Variants in GABRR2 observed in about 807,000 individuals in gnomAD.
GABRR2 encodes gamma-aminobutyric acid receptor subunit rho-2.
Under a neutral mutation model 47.0 loss-of-function variants are expected in GABRR2, and 36 were observed. The observed-to-expected ratio is 0.77, with a 90% CI of 0.59 to 1.01. The LOEUF (loss-of-function observed/expected upper bound fraction) is 1.01. GABRR2 is among the 50% of genes least tolerant of loss of function. The probability of loss-of-function intolerance (pLI) is 0.00; values close to 1 mark genes in which losing one functional copy is unlikely to be tolerated. For missense variants in GABRR2, 587 were observed against 594.6 expected, an observed-to-expected ratio of 0.99 and a Z score of 0.13; for synonymous variants, 204 against 227.5, an observed-to-expected ratio of 0.90 and a Z score of 0.93.
chr6:89,262,170 A>G (rs1773762028), intron 8 of GABRR2, among the ~76,000 whole-genome samples: 1 of 152,162 alleles, frequency 6.6e-6, no homozygotes, highest in Non-Finnish European at 1.5e-5. Context: ...TTGATAGACC[A>G]TCAATCATGG....
chr6:89,314,216 T>C (rs1327321921), intron 1 of GABRR2, among the ~76,000 whole-genome samples: 1 of 152,232 alleles, frequency 6.6e-6, no homozygotes, highest in Admixed American at 6.5e-5. Context: ...TATTAATTTA[T>C]ATTCAAAACC....
Position 89,268,003 on chromosome 6 carries a change from C to G in GABRR2, c.595+11G>C. 1 of 1,608,998 alleles carries G rather than the reference C, an allele frequency of 6.2e-7. No homozygotes were observed. The highest frequency in any genetic ancestry group is 8.5e-7 in the Non-Finnish European group (1 of 1,176,734). On this transcript the variant is annotated intron_variant, in intron 5 of 8. Transcript: ENST00000402938. ...AAAGAAAGTGAAGGAATTAGGAATGCTGATACTTACAGCTCTCCAGCTCCA... is the reference window on the plus strand; with the variant it reads ...AAAGAAAGTGAAGGAATTAGGAATGGTGATACTTACAGCTCTCCAGCTCCA...
intron 6 of GABRR2, 36 bp from the exon 7 acceptor site, chr6:89,265,801 C>T (rs750684782): frequency 3.1e-6 from 5 of 1,605,690 alleles, no homozygotes; most frequent in Non-Finnish European, 4.3e-6. Context: ...GAGGTTCCAT[C>T]TGAGAGGTGA....
At chr6:89,278,135 G>T (rs1385746080) in intron 2 of GABRR2, among the ~76,000 whole-genome samples, 1 of 152,174 alleles carries the variant, frequency 6.6e-6, no homozygotes, top group Non-Finnish European at 1.5e-5. Context: ...TAACATAAGA[G>T]ATTTTCATCT....
chr6:89,290,538 G>T (rs1001792558), intron 2 of GABRR2, among the ~76,000 whole-genome samples: 1 of 152,232 alleles, frequency 6.6e-6, no homozygotes, highest in Non-Finnish European at 1.5e-5. Flanking sequence ...CCCAAGTGTG[G>T]CCGGGAAGGG....
At chr6:89,265,848 A>T in intron 6 of GABRR2, 83 bp from the exon 7 acceptor site, 2 of 1,397,042 alleles carry the variant, frequency 1.4e-6, no homozygotes, top group Non-Finnish European at 2.0e-6. Flanking sequence ...TCTTTCACTG[A>T]CTTGGCTCTC....
At position 89,300,583 on chromosome 6, in the gene GABRR2, A is replaced by G. The variant is rs543309480; in HGVS notation, c.114-718T>C. Among the ~76,000 whole-genome samples, 139 of 152,200 alleles carry G rather than the reference A, an allele frequency of 9.1e-4. 1 individual carries two copies. Among genetic ancestry groups the G allele is most frequent in the African/African-American group, 3.2e-3 (133 of 41,524 alleles). On this transcript the variant is annotated intron_variant, in intron 1 of 8. Transcript: ENST00000402938. ...ATAACCATCAGAGACTACCATGAAC[A>G]ACTCTGTGTACACAAACTAGAAAAC...
chr6:89,265,726 C>T lies in GABRR2; in HGVS notation c.776G>A (p.Arg259His), dbSNP rs754042657. 5.8e-5 allele frequency: 93 copies of T among 1,613,896 alleles called. 1 individual carries two copies. The South Asian group carries it at 7.5e-4, about 13-fold the overall frequency. ...TTGGAGCAAGAAGAAGAAGATGTGG[C>T]GACGCAACGTGAAGTTAATGTACAG... is the stretch of plus-strand genomic sequence containing the variant. ...NRLYINFTLR[R>H]HIFFFLLQTY... Residue 259 changes from arginine to histidine, a missense_variant, in exon 7 of 9, where the codon CGC becomes CAC. By Grantham distance (29) the Arg-to-His change is conservative. Transcript: ENST00000402938.
intron 2 of GABRR2, among the ~76,000 whole-genome samples, chr6:89,294,126 G>A (rs1774515456): frequency 1.4e-5 from 2 of 141,804 alleles, no homozygotes; most frequent in African/African-American, 2.7e-5. Context: ...TAATTAGTCT[G>A]GGGTATAGTC....
chr6:89,301,995 C>T, intron 1 of GABRR2: 2 of 735,026 alleles, frequency 2.7e-6, no homozygotes, highest in South Asian at 3.1e-5. Context: ...GAGCCCGGGA[C>T]CATGGACAGT....
At chr6:89,298,982 G>T (rs911361138) in intron 2 of GABRR2, among the ~76,000 whole-genome samples, 1 of 152,094 alleles carries the variant, frequency 6.6e-6, no homozygotes, top group Non-Finnish European at 1.5e-5. Context: ...GGAAACTGTT[G>T]GCACCTTGAT....
At chr6:89,286,588 T>C (rs1330896797) in intron 2 of GABRR2, among the ~76,000 whole-genome samples, 1 of 151,434 alleles carries the variant, frequency 6.6e-6, no homozygotes, top group Non-Finnish European at 1.5e-5. Flanking sequence ...AAAAAAACTA[T>C]GACAGACCTG....
At chr6:89,268,473 G>T (rs1186698510) in intron 4 of GABRR2, among the ~76,000 whole-genome samples, 1 of 152,190 alleles carries the variant, frequency 6.6e-6, no homozygotes, top group Non-Finnish European at 1.5e-5. Flanking sequence ...TCTAGTATCA[G>T]CAATGCATTC....
chr6:89,304,653 G>T (rs1767521878), intron 1 of GABRR2, among the ~76,000 whole-genome samples: 1 of 148,928 alleles, frequency 6.7e-6, no homozygotes, highest in Non-Finnish European at 1.5e-5. Flanking sequence ...CTTTTCAAAA[G>T]AAGACATACA....
chr6:89,257,713 G>C lies in GABRR2; in HGVS notation c.1355C>G (p.Ser452Cys), dbSNP rs143525236. Residue 452 changes from serine (S) to cysteine (C), a missense_variant, in exon 9 of 9, where the codon TCC (serine) becomes TGC (cysteine). Coordinates refer to ENST00000402938, the MANE Select transcript of GABRR2 (RefSeq NM_002043.5). Reference sequence around the variant, plus strand: ...ATAAATTAAGTTGAAAAATATGTAGGAGGCAGGGAATATCAACCTAGAGTA... The same window carrying C: ...ATAAATTAAGTTGAAAAATATGTAGCAGGCAGGGAATATCAACCTAGAGTA... The part of the protein sequence containing the change: ...DKYSRLIFPA[S>C]YIFFNLIYWS... 1.2e-6 allele frequency: 2 copies of C among 1,613,708 alleles called. No homozygotes were observed. Among genetic ancestry groups the C allele is most frequent in the Non-Finnish European group, 1.7e-6 (2 of 1,179,830 alleles).
rs1391465833 is a variant in GABRR2 at position 89,257,367 on chromosome 6, G to A, written c.*303C>T. ...CTGAGGGTCTAAGAATGTCTAGGAG[G>A]CATTTGAATCCTTGTTTATAGGAGG... On this transcript the variant is annotated 3_prime_UTR_variant, in exon 9 of 9. Coordinates refer to ENST00000402938, the MANE Select transcript of GABRR2 (RefSeq NM_002043.5). The A allele has an allele frequency of 2.0e-5, 7 of 356,258 alleles. No homozygotes were observed. The highest frequency in any genetic ancestry group is 3.0e-5 in the Non-Finnish European group (6 of 196,832). The allele number at this position is 356,258 out of a possible 1,614,324, so 22.1% of individuals were successfully genotyped here.
chr6:89,288,355 G>C (rs79860449), intron 2 of GABRR2, among the ~76,000 whole-genome samples: 1,677 of 152,218 alleles, frequency 0.011, 31 homozygotes, highest in African/African-American at 0.036. Flanking sequence ...AAACCAGTGA[G>C]AGAGAGCAAG....
intron 1 of GABRR2, among the ~76,000 whole-genome samples, chr6:89,300,974 T>C (rs1441801354): frequency 6.6e-6 from 1 of 152,114 alleles, no homozygotes; most frequent in African/African-American, 2.4e-5. Context: ...TGATGAACAT[T>C]GAGGCAAACA....
At chr6:89,261,403 A>T (rs1773742530) in intron 8 of GABRR2, among the ~76,000 whole-genome samples, 1 of 152,180 alleles carries the variant, frequency 6.6e-6, no homozygotes, top group Non-Finnish European at 1.5e-5. Context: ...CCCCAAACTG[A>T]TGAACTGACC....
Sources: allele counts gnomAD v4.1 joint callset (sites outside exome capture counted in the v4.1 genomes callset), GRCh38; gene constraint gnomAD v4.1.1; transcripts MANE v1.5; gene names NCBI Gene and HGNC (gene_info 2026-07-23, HGNC 2026-07-21).